GDPD1: variants seen among roughly 807,000 people sequenced by gnomAD.
GDPD1 encodes the protein lysophospholipase D GDPD1.
GDPD1 carries 28 observed loss-of-function variants against 45.1 expected under a neutral mutation model. That is an observed-to-expected ratio of 0.62 (90% CI 0.46 to 0.85). The LOEUF (loss-of-function observed/expected upper bound fraction) is 0.85, where lower values mean the gene tolerates loss of function less well. Ranked by LOEUF, GDPD1 falls within the 40% of genes least tolerant of loss-of-function variation. The pLI is 0.00. For missense variants in GDPD1, 256 were observed against 364.8 expected (o/e 0.70, Z 2.43); for synonymous variants, 139 against 131.4 (o/e 1.06, Z -0.40).
chr17:59,268,541 T>G (rs2047416860), intron 7 of GDPD1, among the ~76,000 whole-genome samples: 1 of 124,174 alleles, frequency 8.1e-6, no homozygotes, highest in Non-Finnish European at 1.6e-5. Context: ...ATTGCGCCAC[T>G]GCACTCCAGC....
intron 2 of GDPD1, among the ~76,000 whole-genome samples, chr17:59,241,744 A>G (rs1478894230): frequency 6.6e-6 from 1 of 151,946 alleles, no homozygotes; most frequent in Non-Finnish European, 1.5e-5. Flanking sequence ...CTCTGGCCAC[A>G]TGGTGAAACC....
chr17:59,241,258 C>T (rs935371437), intron 2 of GDPD1, among the ~76,000 whole-genome samples: 7 of 152,182 alleles, frequency 4.6e-5, no homozygotes, highest in African/African-American at 7.2e-5. Context: ...CAGGAGTATA[C>T]ATTTACCCCA....
In GDPD1 at chr17:59,273,640, C is replaced by T. The variant is rs1253681186; in HGVS notation, c.823-11C>T. On this transcript the variant is annotated splice_polypyrimidine_tract_variant and intron_variant, in intron 9 of 9. Coordinates refer to ENST00000284116, the MANE Select transcript of GDPD1 (RefSeq NM_182569.4). ...ATTTCTTCTCATACTTCTCACACTTCTAATTTTCAGGTGTATATTTGGGTA... is the reference window on the plus strand; with the variant it reads ...ATTTCTTCTCATACTTCTCACACTTTTAATTTTCAGGTGTATATTTGGGTA... The T allele has an allele frequency of 7.0e-7, 1 of 1,422,262 alleles. No homozygotes were observed. Among genetic ancestry groups the T allele is most frequent in the Non-Finnish European group, 9.7e-7 (1 of 1,033,528 alleles). 88.1% of individuals were successfully genotyped at this position (1,422,262 alleles called of 1,614,324 possible).
At chr17:59,230,045 T>C (rs1568338191) in intron 1 of GDPD1, among the ~76,000 whole-genome samples, 1 of 152,186 alleles carries the variant, frequency 6.6e-6, no homozygotes, top group Non-Finnish European at 1.5e-5. Flanking sequence ...CAGATACCCC[T>C]ATGGGTTATA....
Position 59,267,113 on chromosome 17 carries a change from T to C in GDPD1, c.649T>C (p.Leu217=). The change falls in exon 7 of 10, where the codon TTG becomes CTG. Residue 217 remains leucine (L), a synonymous_variant. Transcript: ENST00000284116. ...LILGLFFTGL[L]PFVPIREQFF... ...TCTTGGCCTTTTCTTCACTGGCCTC[T>C]TGCCCTTTGTGCCCATTCGAGAACA... 1 of 1,613,890 alleles carries C rather than the reference T, an allele frequency of 6.2e-7. No homozygotes were observed. Among genetic ancestry groups the C allele is most frequent in the Non-Finnish European group, 8.5e-7 (1 of 1,179,760 alleles).
At chr17:59,248,594 G>C in intron 3 of GDPD1, 146 bp from the exon 4 acceptor site, 1 of 558,796 alleles carries the variant, frequency 1.8e-6, no homozygotes, top group Non-Finnish European at 3.2e-6. Flanking sequence ...TTAATTTGCT[G>C]TTGGGGATGT....
rs545425045 is a variant in GDPD1 at position 59,252,057 on chromosome 17, A to C, written c.367+3272A>C. On this transcript the variant is annotated intron_variant, in intron 4 of 9. Transcript: ENST00000284116. ...GAAACTTGACTCAGATTAGTCAAAA[A>C]GTGGTTCCGTTTTTTCTATCCTATT... 6.6e-5 allele frequency among the ~76,000 whole-genome samples: 10 copies of C among 150,570 alleles called. 1 individual carries two copies. The highest frequency in any genetic ancestry group is 4.4e-5 in the Non-Finnish European group (3 of 67,636).
At chr17:59,233,545 A>C (rs1023766779) in intron 1 of GDPD1, among the ~76,000 whole-genome samples, 19 of 152,140 alleles carry the variant, frequency 1.2e-4, no homozygotes, top group African/African-American at 4.6e-4. Context: ...AAAAAACAAA[A>C]ACAAAACAAT....
At chr17:59,246,753 GA>G (rs1359566580) in intron 3 of GDPD1, among the ~76,000 whole-genome samples, 1 of 96,890 alleles carries the variant, frequency 1.0e-5, no homozygotes, top group Non-Finnish European at 2.2e-5. Flanking sequence ...AAGAAAAAAA[GA>G]AAAAAAAGAG....
At chr17:59,263,654 A>G (rs2047376771) in intron 6 of GDPD1, among the ~76,000 whole-genome samples, 1 of 150,798 alleles carries the variant, frequency 6.6e-6, no homozygotes. Flanking sequence ...AATTTTTTGT[A>G]TTTTTAGTAG....
intron 1 of GDPD1, among the ~76,000 whole-genome samples, chr17:59,230,961 A>G (rs758241632): frequency 1.3e-5 from 2 of 152,250 alleles, no homozygotes; most frequent in African/African-American, 2.4e-5. Context: ...GCAGGCATGC[A>G]TAAGTGTAAA....
intron 4 of GDPD1, 129 bp from the exon 5 acceptor site, chr17:59,256,993 A>AT (rs1352447159): frequency 8.7e-6 from 4 of 459,240 alleles, no homozygotes; most frequent in South Asian, 4.8e-5. Flanking sequence ...GATTTACATG[A>AT]TTTTTTTCTT....
intron 4 of GDPD1, among the ~76,000 whole-genome samples, chr17:59,250,121 A>T (rs980038748): frequency 2.6e-5 from 4 of 152,322 alleles, no homozygotes; most frequent in Admixed American, 2.6e-4. Flanking sequence ...TTTAAACCTC[A>T]GATGTGTTTG....
chr17:59,224,624 CAA>C (rs71145538), intron 1 of GDPD1, among the ~76,000 whole-genome samples: 20,825 of 114,720 alleles, frequency 0.18, 1,658 homozygotes, highest in South Asian at 0.31. Flanking sequence ...GACTCCATCT[CAA>C]AAAAAAAAAA....
At chr17:59,259,566 CAAAAAAAAAAA>C (rs71367681) in intron 6 of GDPD1, among the ~76,000 whole-genome samples, 1 of 24,850 alleles carries the variant, frequency 4.0e-5, no homozygotes, top group East Asian at 1.3e-3. Flanking sequence ...GACTCTGTCT[CAAAAAAAAAAA>C]AAAAAAAAAA....
At chr17:59,236,642 C>A (rs753431422) in intron 2 of GDPD1, among the ~76,000 whole-genome samples, 9 of 152,050 alleles carry the variant, frequency 5.9e-5, no homozygotes, top group Admixed American at 1.3e-4. Flanking sequence ...ATTAGAGGTG[C>A]CCGCCACCTC....
intron 4 of GDPD1, chr17:59,249,066 T>C (rs560567076): frequency 8.5e-6 from 2 of 235,832 alleles, no homozygotes; most frequent in East Asian, 8.5e-5. Context: ...CCGCAACTTA[T>C]ATTAGTCATC....
In GDPD1 at chr17:59,255,843, A is replaced by ATACACG. The variant is rs1568346928; in HGVS notation, c.368-1277_368-1276insCACGTA. On this transcript the variant is annotated intron_variant, in intron 4 of 9. Coordinates refer to ENST00000284116, the MANE Select transcript of GDPD1 (RefSeq NM_182569.4). ...TATATATATACGCGTATATATATAT[A>ATACACG]TATATATACACACGTATATATATAT... is the stretch of plus-strand genomic sequence containing the variant. 1.1e-4 allele frequency among the ~76,000 whole-genome samples: 10 copies of ATACACG among 94,076 alleles called. 1 individual carries two copies. The highest frequency in any genetic ancestry group is 6.4e-4 in the African/African-American group (10 of 15,524). 61.7% of individuals were successfully genotyped at this position (94,076 alleles called of 152,430 possible).
chr17:59,272,143 A>T (rs925556334), intron 8 of GDPD1, among the ~76,000 whole-genome samples: 53 of 152,122 alleles, frequency 3.5e-4, no homozygotes, highest in African/African-American at 1.2e-3. Flanking sequence ...AAAGCACATG[A>T]TTTCTAGTTT....
Sources: gnomAD v4.1 joint callset for allele counts (sites outside exome capture counted in the v4.1 genomes callset) on GRCh38, gnomAD v4.1.1 for gene constraint, MANE v1.5 for transcripts, NCBI Gene and HGNC (gene_info 2026-07-23, HGNC 2026-07-21) for gene names.